DENND2B: variants seen among roughly 807,000 people sequenced by gnomAD.
DENND2B encodes the protein DENN domain-containing protein 2B.
A neutral mutation model predicts 116.0 loss-of-function variants in DENND2B; 32 were observed. The observed-to-expected ratio is 0.28, with a 90% CI of 0.21 to 0.37. The LOEUF is 0.37. Ranked by LOEUF, DENND2B falls within the 10% of genes least tolerant of loss-of-function variation. DENND2B has a pLI of 1.00. For synonymous variants in DENND2B, 588 were observed against 583.9 expected, an observed-to-expected ratio of 1.01 and a Z score of -0.10; for missense variants, 1,276 against 1,477.7, an observed-to-expected ratio of 0.86 and a Z score of 2.24.
At chr11:8,886,172 C>T (rs1412598619) in intron 1 of DENND2B, among the ~76,000 whole-genome samples, 2 of 152,180 alleles carry the variant, frequency 1.3e-5, no homozygotes, top group Middle Eastern at 3.4e-3. Context: ...TGGGGTCAAG[C>T]AATCCTCCCA....
Position 8,792,708 on chromosome 11 carries a change from T to TA in DENND2B, c.-26+17808dup. Among the ~76,000 whole-genome samples the TA allele has an allele frequency of 2.6e-5, 4 of 152,242 alleles. No homozygotes were observed. The South Asian group carries it at 8.3e-4, about 32-fold the overall frequency. Reference sequence around the variant, plus strand: ...CATTAATAACTGAAGACATCCTAAATAAAGTAACAATAAGAAATCCTTTTT... The same window carrying TA: ...CATTAATAACTGAAGACATCCTAAATAAAAGTAACAATAAGAAATCCTTTTT... On this transcript the variant is annotated intron_variant, in intron 1 of 19. Coordinates refer to ENST00000313726, the MANE Select transcript of DENND2B (RefSeq NM_213618.2).
chr11:8,709,560 C>T (rs1184505085), intron 11 of DENND2B, among the ~76,000 whole-genome samples: 1 of 152,184 alleles, frequency 6.6e-6, no homozygotes, highest in African/African-American at 2.4e-5. Flanking sequence ...CACCACCTGG[C>T]ATCACTCCTG....
upstream of DENND2B, among the ~76,000 whole-genome samples, chr11:8,874,728 C>A (rs1032584933): frequency 2.6e-5 from 4 of 151,520 alleles, no homozygotes; most frequent in Non-Finnish European, 4.4e-5. Flanking sequence ...TGAGACCAGC[C>A]TGAGCAACAT....
chr11:8,779,381 G>T (rs1192879339), intron 1 of DENND2B, among the ~76,000 whole-genome samples: 2 of 152,202 alleles, frequency 1.3e-5, no homozygotes, highest in African/African-American at 4.8e-5. Flanking sequence ...TATGGAGGAA[G>T]GAAAGTGGTG....
At chr11:8,836,191 C>CAAAAA (rs56816794) in intron 4 of DENND2B, among the ~76,000 whole-genome samples, 26 of 133,046 alleles carry the variant, frequency 2.0e-4, no homozygotes, top group South Asian at 2.4e-4. Flanking sequence ...ACTAAAAATA[C>CAAAAA]AAAAAAAAAA....
intron 1 of DENND2B, among the ~76,000 whole-genome samples, chr11:8,759,636 T>C (rs1305413788): frequency 1.3e-5 from 2 of 152,174 alleles, no homozygotes; most frequent in Non-Finnish European, 2.9e-5. Context: ...GAGAACATGG[T>C]GAGAGCCAGG....
chr11:8,799,559 CTCT>C (rs2060131777), intron 1 of DENND2B, among the ~76,000 whole-genome samples: 1 of 115,680 alleles, frequency 8.6e-6, no homozygotes, highest in East Asian at 2.8e-4. Flanking sequence ...CCTCCTTTTT[CTCT>C]TTTTTTTTTT....
chr11:8,832,397 G>C (rs1282881979), intron 4 of DENND2B, among the ~76,000 whole-genome samples: 1 of 151,084 alleles, frequency 6.6e-6, no homozygotes, highest in African/African-American at 2.4e-5. Context: ...GGTTGCTGTG[G>C]GCCGAGATTG....
intron 1 of DENND2B, among the ~76,000 whole-genome samples, chr11:8,792,129 C>T (rs1331730706): frequency 2.6e-5 from 4 of 152,036 alleles, no homozygotes; most frequent in African/African-American, 4.8e-5. Flanking sequence ...TGCTTGAATC[C>T]GGGAGGCAGA....
At chr11:8,699,826 C>T (rs1240069230) in intron 14 of DENND2B, 1 of 456,992 alleles carries the variant, frequency 2.2e-6, no homozygotes, top group Non-Finnish European at 4.4e-6. Flanking sequence ...CCTAAAACAT[C>T]AGCAACGGAT....
chr11:8,803,055 G>C (rs1050899955), intron 1 of DENND2B, among the ~76,000 whole-genome samples: 13 of 152,134 alleles, frequency 8.5e-5, no homozygotes, highest in African/African-American at 3.1e-4. Context: ...CAACTTCAAG[G>C]AATCTAGTTG....
At chr11:8,832,252 A>G in intron 4 of DENND2B, among the ~76,000 whole-genome samples, 1 of 152,174 alleles carries the variant, frequency 6.6e-6, no homozygotes, top group Non-Finnish European at 1.5e-5. Context: ...AGAGATCAAG[A>G]CCATCCTGGC....
At chr11:8,899,175 G>C (rs1225214665) in intron 1 of DENND2B, among the ~76,000 whole-genome samples, 2 of 151,474 alleles carry the variant, frequency 1.3e-5, no homozygotes, top group South Asian at 2.1e-4. Context: ...GAAAAGAAAA[G>C]AAAAAGAATG....
Position 8,707,671 on chromosome 11 carries a change from G to T in DENND2B, c.2430+106C>A. The T allele has an allele frequency of 1.9e-6, 2 of 1,079,172 alleles. No individual in the cohort carries two copies. The highest frequency in any genetic ancestry group is 2.2e-5 in the Admixed American group (1 of 45,154). 66.8% of individuals were successfully genotyped at this position (1,079,172 alleles called of 1,614,324 possible). ...TACTTGTTCCTGCATTCTGTCTCCC[G>T]CTCGCTCACAGTCACAGGTGGTTTT... On this transcript the variant is annotated intron_variant, in intron 12 of 19. Coordinates refer to ENST00000313726, the MANE Select transcript of DENND2B (RefSeq NM_213618.2). The surrounding 1 kb of genome is among the most constrained non-coding windows in gnomAD (Gnocchi z 4.8).
intron 2 of DENND2B, among the ~76,000 whole-genome samples, chr11:8,869,834 T>C (rs2134705147): frequency 6.6e-6 from 1 of 152,146 alleles, no homozygotes; most frequent in South Asian, 2.1e-4. Flanking sequence ...GGTCCTTAAT[T>C]CAGCAAGGGA....
At position 8,702,760 on chromosome 11, in the gene DENND2B, A is replaced by G; in HGVS notation, c.2572-40T>C. On this transcript the variant is annotated intron_variant, in intron 13 of 19. Coordinates refer to ENST00000313726, the MANE Select transcript of DENND2B (RefSeq NM_213618.2). This position sits in a 1 kb window ranked among gnomAD's most constrained non-coding sequence, Gnocchi z 4.6. ...TGGGAAAGTGGGCCGGGGCCAGCCA[A>G]GTGGGTGCTGCCCTCTGGCCCTCCA... 6.2e-7 allele frequency: 1 copy of G among 1,603,040 alleles called. No individual in the cohort carries two copies.
rs560403057 is a variant in DENND2B, at chr11:8,879,768, A to G, written c.-156+1242T>C. Among the ~76,000 whole-genome samples, 8 of 152,276 alleles carry G rather than the reference A, an allele frequency of 5.3e-5. No individual in the cohort carries two copies. The South Asian group carries it at 1.5e-3, about 28-fold the overall frequency. The stretch of plus-strand genomic sequence containing the variant: ...GAATCAGAGTCTCTATGCTAGGTAC[A>G]TATGATTGAAAAAAAAATTATGGGA... On this transcript the variant is annotated intron_variant, in intron 2 of 22. Coordinates refer to the DENND2B transcript ENST00000534127.
At position 8,707,263 on chromosome 11, in the gene DENND2B, C is replaced by G; in HGVS notation, c.2431-38G>C. On this transcript the variant is annotated intron_variant, in intron 12 of 19. Coordinates refer to ENST00000313726, the MANE Select transcript of DENND2B (RefSeq NM_213618.2). This position sits in a 1 kb window ranked among gnomAD's most constrained non-coding sequence, Gnocchi z 4.8. ...CCAGCAGCCCAAAGAGGAAGGGTGT[C>G]AGGGCACTGCCCTTCCCCCTCCTGG... is the stretch of plus-strand genomic sequence containing the variant. The G allele has an allele frequency of 1.3e-6, 2 of 1,589,864 alleles. No individual in the cohort carries two copies. Among genetic ancestry groups the G allele is most frequent in the Non-Finnish European group, 1.7e-6 (2 of 1,164,022 alleles).
chr11:8,739,658 CT>C (rs1308806561), intron 2 of DENND2B, among the ~76,000 whole-genome samples: 1 of 152,260 alleles, frequency 6.6e-6, no homozygotes, highest in Non-Finnish European at 1.5e-5. Context: ...GCAGCCAGTT[CT>C]GCTGCTCAAC....
Sources: gnomAD v4.1 joint callset for allele counts (sites outside exome capture counted in the v4.1 genomes callset) on GRCh38, gnomAD v4.1.1 for gene constraint, Gnocchi (gnomAD v3.1) non-coding constraint, MANE v1.5 for transcripts, NCBI Gene and HGNC (gene_info 2026-07-23, HGNC 2026-07-21) for gene names.